Variants in EFNA5 observed in about 807,000 individuals in gnomAD.
The protein encoded by EFNA5 is ephrin-A5.
EFNA5 carries 5 observed loss-of-function variants against 22.9 expected under a neutral mutation model. The ratio of observed to expected loss-of-function variants is 0.22; its 90% CI spans 0.11 to 0.46. The LOEUF (loss-of-function observed/expected upper bound fraction) is 0.46. Ranked by LOEUF, EFNA5 falls within the 20% of genes least tolerant of loss-of-function variation. EFNA5 has a pLI of 0.99. For missense variants in EFNA5, 237 were observed against 293.3 expected, an observed-to-expected ratio of 0.81 and a Z score of 1.40; for synonymous variants, 113 against 112.2, an observed-to-expected ratio of 1.01 and a Z score of -0.04.
chr5:107,527,467 A>G (rs566346781), intron 1 of EFNA5, among the ~76,000 whole-genome samples: 1 of 151,786 alleles, frequency 6.6e-6, no homozygotes, highest in South Asian at 2.1e-4. Context: ...TTGTATTTTT[A>G]GTAGAGATGG....
At chr5:107,514,898 C>CTT (rs1747444754) in intron 1 of EFNA5, among the ~76,000 whole-genome samples, 2 of 152,128 alleles carry the variant, frequency 1.3e-5, no homozygotes, top group South Asian at 4.1e-4. Context: ...CTTGATAAGG[C>CTT]TTTTCTTTTT....
chr5:107,472,714 C>G (rs940038619), intron 1 of EFNA5, among the ~76,000 whole-genome samples: 1 of 152,196 alleles, frequency 6.6e-6, no homozygotes, highest in African/African-American at 2.4e-5. Flanking sequence ...TTAGAGACAT[C>G]TGCAGCACAG....
intron 1 of EFNA5, among the ~76,000 whole-genome samples, chr5:107,483,919 TGA>T (rs1303080698): frequency 6.6e-6 from 1 of 152,216 alleles, no homozygotes; most frequent in African/African-American, 2.4e-5. Flanking sequence ...AGTTACTCCC[TGA>T]GAGAGACACT....
At chr5:107,496,335 T>TC (rs1746981516) in intron 1 of EFNA5, among the ~76,000 whole-genome samples, 1 of 41,936 alleles carries the variant, frequency 2.4e-5, no homozygotes, top group Non-Finnish European at 3.6e-5. Flanking sequence ...AAATTCCATC[T>TC]CAAAAAAAAA....
chr5:107,621,049 T>C (rs1019026128), intron 1 of EFNA5, among the ~76,000 whole-genome samples: 1 of 152,164 alleles, frequency 6.6e-6, no homozygotes, highest in African/African-American at 2.4e-5. Flanking sequence ...AATATTAATA[T>C]GAGAAGATGG....
At chr5:107,644,331 T>C (rs1336476220) in intron 1 of EFNA5, among the ~76,000 whole-genome samples, 2 of 152,160 alleles carry the variant, frequency 1.3e-5, no homozygotes, top group Admixed American at 6.5e-5. Flanking sequence ...AGAAAAACTT[T>C]AGTGTTTACT....
At chr5:107,465,051 T>A (rs1027356776) in intron 1 of EFNA5, among the ~76,000 whole-genome samples, 60 of 143,386 alleles carry the variant, frequency 4.2e-4, no homozygotes, top group African/African-American at 1.6e-3. Flanking sequence ...AAACTTTCCA[T>A]TCTGTGTGAG....
intron 1 of EFNA5, among the ~76,000 whole-genome samples, chr5:107,546,709 G>C (rs1431057432): frequency 8.1e-6 from 1 of 123,286 alleles, no homozygotes; most frequent in Non-Finnish European, 1.8e-5. Flanking sequence ...GTGTAGGAAA[G>C]AATTTTTTTT....
chr5:107,624,199 A>C (rs893409487), intron 1 of EFNA5, among the ~76,000 whole-genome samples: 6 of 152,146 alleles, frequency 3.9e-5, no homozygotes, highest in Admixed American at 3.9e-4. Flanking sequence ...ACTCAAAGGC[A>C]AAAGTGACCC....
At position 107,670,852 on chromosome 5, in the gene EFNA5, T is replaced by A; in HGVS notation, c.-239A>T. On this transcript the variant is annotated 5_prime_UTR_variant, in exon 1 of 5. Coordinates refer to ENST00000333274, the MANE Select transcript of EFNA5 (RefSeq NM_001962.3). ...GATAAAGACAAACTCGCACCCCCAC[T>A]GGAGGGTTCAGGAGGAAAAAGGAAT... 1 of 537,246 alleles carries A rather than the reference T, an allele frequency of 1.9e-6. No individual in the cohort carries two copies. Among genetic ancestry groups the A allele is most frequent in the Non-Finnish European group, 3.3e-6 (1 of 304,298 alleles). The allele number at this position is 537,246 out of a possible 1,614,324, so 33.3% of individuals were successfully genotyped here.
intron 1 of EFNA5, among the ~76,000 whole-genome samples, chr5:107,656,209 T>A (rs1047635628): frequency 6.6e-6 from 1 of 152,238 alleles, no homozygotes; most frequent in South Asian, 2.1e-4. Context: ...AGAAACAATA[T>A]AGCAGAGACA....
intron 2 of EFNA5, among the ~76,000 whole-genome samples, chr5:107,398,581 T>C (rs963415465): frequency 6.6e-6 from 1 of 152,064 alleles, no homozygotes; most frequent in Middle Eastern, 3.2e-3. Flanking sequence ...GCACAGTGGC[T>C]CACATCTGTA....
chr5:107,542,761 C>A (rs1748074700), intron 1 of EFNA5, among the ~76,000 whole-genome samples: 1 of 152,112 alleles, frequency 6.6e-6, no homozygotes, highest in Admixed American at 6.5e-5. Flanking sequence ...TTAGCTTTCA[C>A]AATGTCTGGG....
At chr5:107,409,648 G>A (rs988979722) in intron 2 of EFNA5, among the ~76,000 whole-genome samples, 1 of 152,130 alleles carries the variant, frequency 6.6e-6, no homozygotes, top group Non-Finnish European at 1.5e-5. Context: ...ATGGACTTAC[G>A]AATAGGTTTA....
chr5:107,475,421 G>C (rs1750255195), intron 1 of EFNA5, among the ~76,000 whole-genome samples: 1 of 152,176 alleles, frequency 6.6e-6, no homozygotes, highest in South Asian at 2.1e-4. Flanking sequence ...ACAGAAAACT[G>C]CAAAAGGTTT....
chr5:107,484,812 T>A (rs1163503878), intron 1 of EFNA5, among the ~76,000 whole-genome samples: 2 of 151,724 alleles, frequency 1.3e-5, no homozygotes, highest in Admixed American at 1.3e-4. Flanking sequence ...TTTTTTTTTT[T>A]AGATTTCTGA....
chr5:107,626,271 T>C (rs1180155569), intron 1 of EFNA5, among the ~76,000 whole-genome samples: 1 of 152,178 alleles, frequency 6.6e-6, no homozygotes, highest in African/African-American at 2.4e-5. Flanking sequence ...TGTCTTCTTT[T>C]TTTTTCTTAC....
intron 1 of EFNA5, among the ~76,000 whole-genome samples, chr5:107,656,110 G>A (rs984946837): frequency 1.1e-4 from 16 of 152,186 alleles, no homozygotes; most frequent in South Asian, 6.2e-4. Flanking sequence ...AGAGGATGTC[G>A]GTATTCATTA....
chr5:107,398,854 CAAAA>C (rs1214380627), intron 2 of EFNA5, among the ~76,000 whole-genome samples: 5 of 65,024 alleles, frequency 7.7e-5, no homozygotes, highest in East Asian at 4.3e-4. Context: ...GACACTGCCT[CAAAA>C]AAAAAAAAAA....
Sources: allele counts gnomAD v4.1 joint callset (sites outside exome capture counted in the v4.1 genomes callset), GRCh38; gene constraint gnomAD v4.1.1; transcripts MANE v1.5; gene names NCBI Gene and HGNC (gene_info 2026-07-23, HGNC 2026-07-21).